PDSS2: variants seen among roughly 807,000 people sequenced by gnomAD.
The protein encoded by PDSS2 is decaprenyl diphosphate synthase subunit 2.
Under a neutral mutation model 44.5 loss-of-function variants are expected in PDSS2, and 31 were observed. That is an observed-to-expected ratio of 0.70 (90% CI 0.52 to 0.94). The LOEUF is 0.94. PDSS2 is among the 40% of genes least tolerant of loss of function. The pLI is 0.00. For missense variants in PDSS2, 452 were observed against 482.2 expected (o/e 0.94, Z 0.59); for synonymous variants, 157 against 180.3 (o/e 0.87, Z 1.03).
rs80154376 is a variant in PDSS2, at chr6:107,201,156, G to C, written c.1009-7302C>G. On this transcript the variant is annotated intron_variant, in intron 6 of 7. Transcript: ENST00000369037. Reference sequence around the variant, plus strand: ...GGCTTCATTACTAGGGTCTTTAAAAGGGATTCACTCATCTTTTTGCCTCCT... The same window carrying C: ...GGCTTCATTACTAGGGTCTTTAAAACGGATTCACTCATCTTTTTGCCTCCT... Among the ~76,000 whole-genome samples, 731 of 152,132 alleles carry C rather than the reference G, an allele frequency of 4.8e-3. 4 individuals are homozygous for C. The highest frequency in any genetic ancestry group is 0.017 in the African/African-American group (699 of 41,498).
At chr6:107,259,902 T>C (rs1775157070) in intron 3 of PDSS2, among the ~76,000 whole-genome samples, 1 of 152,214 alleles carries the variant, frequency 6.6e-6, no homozygotes, top group African/African-American at 2.4e-5. Flanking sequence ...GTTACTCTGA[T>C]ATTCTAAACA....
chr6:107,429,901 A>AAAAAAATATATATATATATATATAT (rs1166637352), intron 1 of PDSS2, among the ~76,000 whole-genome samples: 1 of 31,838 alleles, frequency 3.1e-5, no homozygotes, highest in Non-Finnish European at 5.3e-5. Flanking sequence ...AAAAAAAAAA[A>AAAAAAATATATATATATATATATAT]ATATATATAT....
chr6:107,187,376 C>T (rs1203508388), intron 7 of PDSS2, among the ~76,000 whole-genome samples: 1 of 152,058 alleles, frequency 6.6e-6, no homozygotes, highest in Non-Finnish European at 1.5e-5. Flanking sequence ...AGTCAATATA[C>T]TCTTAAGGCC....
chr6:107,234,414 A>G (rs1774159573), intron 4 of PDSS2, among the ~76,000 whole-genome samples: 1 of 152,078 alleles, frequency 6.6e-6, no homozygotes, highest in East Asian at 1.9e-4. Flanking sequence ...CATGTTGGCC[A>G]GGCTGGTCTC....
At chr6:107,297,669 T>TG (rs1776556052) in intron 2 of PDSS2, among the ~76,000 whole-genome samples, 1 of 151,494 alleles carries the variant, frequency 6.6e-6, no homozygotes, top group African/African-American at 2.4e-5. Flanking sequence ...CATGAGCCCC[T>TG]GTGCCTGGCT....
At position 107,370,793 on chromosome 6, in the gene PDSS2, G is replaced by A. The variant is rs1779106123; in HGVS notation, c.297-36461C>T. 2.6e-5 allele frequency among the ~76,000 whole-genome samples: 4 copies of A among 152,260 alleles called. No individual in the cohort carries two copies. The South Asian group carries it at 6.2e-4, about 24-fold the overall frequency. On this transcript the variant is annotated intron_variant, in intron 1 of 7. Coordinates refer to ENST00000369037, the MANE Select transcript of PDSS2 (RefSeq NM_020381.4). ...GTAAGATAGTTCTTGATGATGCTCA[G>A]AATATCTGGTTACCTCTGAGCATCC...
At chr6:107,269,086 T>G (rs1188280082) in intron 3 of PDSS2, among the ~76,000 whole-genome samples, 2 of 152,000 alleles carry the variant, frequency 1.3e-5, no homozygotes, top group Non-Finnish European at 2.9e-5. Context: ...ATTACAGGCA[T>G]GCACCACCAT....
At chr6:107,223,501 C>G (rs531796813) in intron 4 of PDSS2, among the ~76,000 whole-genome samples, 1 of 150,908 alleles carries the variant, frequency 6.6e-6, no homozygotes, top group African/African-American at 2.5e-5. Flanking sequence ...TGCCACCACG[C>G]TCCAGGATGG....
At chr6:107,432,222 TATA>T (rs1781213604) in intron 1 of PDSS2, among the ~76,000 whole-genome samples, 1 of 152,098 alleles carries the variant, frequency 6.6e-6, no homozygotes, top group Non-Finnish European at 1.5e-5. Flanking sequence ...AAAAACACAA[TATA>T]ATTTGGGGGG....
chr6:107,222,862 T>C (rs375044187), intron 4 of PDSS2, among the ~76,000 whole-genome samples: 1 of 151,964 alleles, frequency 6.6e-6, no homozygotes. Context: ...TCTAAGCACA[T>C]TGGGAGGCCA....
Position 107,153,126 on chromosome 6 carries a change from A to C in PDSS2, c.*1493T>G, listed in dbSNP as rs1770766731. On this transcript the variant is annotated 3_prime_UTR_variant, in exon 8 of 8. Coordinates refer to ENST00000369037, the MANE Select transcript of PDSS2 (RefSeq NM_020381.4). ...TTTATAACTTTTGGGGGAGGGCTTT[A>C]ACTAAAATAACTTCATGTAGTGTTT... The C allele has an allele frequency of 6.6e-6, 1 of 152,612 alleles. No individual in the cohort carries two copies. Among genetic ancestry groups the C allele is most frequent in the African/African-American group, 2.4e-5 (1 of 41,436 alleles). 9.5% of individuals were successfully genotyped at this position (152,612 alleles called of 1,614,324 possible).
At chr6:107,187,945 A>G (rs1335249637) in intron 7 of PDSS2, among the ~76,000 whole-genome samples, 3 of 152,240 alleles carry the variant, frequency 2.0e-5, no homozygotes, top group African/African-American at 7.2e-5. Context: ...ATAAATGTTA[A>G]GGAGAAAAAA....
chr6:107,223,537 A>AAAAC (rs879281600), intron 4 of PDSS2, among the ~76,000 whole-genome samples: 27 of 150,824 alleles, frequency 1.8e-4, no homozygotes, highest in Non-Finnish European at 2.8e-4. Flanking sequence ...TCCATCTCAA[A>AAAAC]AAACAAACAA....
intron 4 of PDSS2, among the ~76,000 whole-genome samples, chr6:107,218,824 A>G (rs950868761): frequency 1.1e-4 from 17 of 152,254 alleles, no homozygotes; most frequent in Non-Finnish European, 2.2e-4. Context: ...TTGGGAGGCC[A>G]AGGCGGCCGG....
At chr6:107,330,000 CAAA>C (rs1373675376) in intron 2 of PDSS2, among the ~76,000 whole-genome samples, 9 of 64,960 alleles carry the variant, frequency 1.4e-4, no homozygotes, top group East Asian at 3.5e-4. Context: ...GACTCTGTCT[CAAA>C]AAAAAAAAAA....
chr6:107,305,968 C>T (rs1465365426), intron 2 of PDSS2, among the ~76,000 whole-genome samples: 1 of 152,146 alleles, frequency 6.6e-6, no homozygotes, highest in African/African-American at 2.4e-5. Context: ...CATCATCTAA[C>T]CTGGTACCTC....
chr6:107,286,346 A>G (rs2114999505), intron 2 of PDSS2, among the ~76,000 whole-genome samples: 1 of 149,980 alleles, frequency 6.7e-6, no homozygotes, highest in East Asian at 2.0e-4. Flanking sequence ...CACCTCTACT[A>G]AAAAAATACA....
intron 4 of PDSS2, among the ~76,000 whole-genome samples, chr6:107,232,989 A>T (rs1359078724): frequency 6.6e-6 from 1 of 151,772 alleles, no homozygotes; most frequent in East Asian, 1.9e-4. Flanking sequence ...CTAATTAAAA[A>T]TTTTCTTTGT....
intron 4 of PDSS2, among the ~76,000 whole-genome samples, chr6:107,227,341 T>A (rs1327984841): frequency 7.5e-6 from 1 of 134,018 alleles, no homozygotes; most frequent in African/African-American, 2.9e-5. Context: ...CAGGCTGGAG[T>A]GCAGTGGCAC....
Sources: gnomAD v4.1 joint callset for allele counts (sites outside exome capture counted in the v4.1 genomes callset) on GRCh38, gnomAD v4.1.1 for gene constraint, MANE v1.5 for transcripts, NCBI Gene and HGNC (gene_info 2026-07-23, HGNC 2026-07-21) for gene names.